NDC80: variants seen among roughly 807,000 people sequenced by gnomAD.
The protein encoded by NDC80 is NDC80 kinetochore complex component.
Under a neutral mutation model 89.3 loss-of-function variants are expected in NDC80, and 69 were observed. That is an observed-to-expected ratio of 0.77 (90% CI 0.64 to 0.94). The LOEUF is 0.94. Ranked by LOEUF, NDC80 falls within the 40% of genes least tolerant of loss-of-function variation. The probability of loss-of-function intolerance (pLI) is 0.00; values close to 1 mark genes in which losing one functional copy is unlikely to be tolerated. For missense variants in NDC80, 593 were observed against 739.6 expected, an observed-to-expected ratio of 0.80 and a Z score of 2.30; for synonymous variants, 243 against 255.6, an observed-to-expected ratio of 0.95 and a Z score of 0.47.
chr18:2,608,368 A>G (rs1202486527), intron 14 of NDC80, among the ~76,000 whole-genome samples: 1 of 151,628 alleles, frequency 6.6e-6, no homozygotes, highest in African/African-American at 2.4e-5. Flanking sequence ...ACCATGCCCA[A>G]CTAATTTTTG....
Position 2,584,273 on chromosome 18 carries a change from G to A in NDC80, c.580-840G>A, listed in dbSNP as rs531301925. On this transcript the variant is annotated intron_variant, in intron 6 of 16. Coordinates refer to ENST00000261597, the MANE Select transcript of NDC80 (RefSeq NM_006101.3). The stretch of plus-strand genomic sequence containing the variant: ...ACTGCACTCCATCCTGGGTGACAAA[G>A]TGAGACTCCGTCTCAAAAAAAAAAA... 3.8e-3 allele frequency among the ~76,000 whole-genome samples: 540 copies of A among 143,170 alleles called. 2 individuals carry two copies. The highest frequency in any genetic ancestry group is 0.014 in the African/African-American group (520 of 38,136). 93.9% of individuals were successfully genotyped at this position (143,170 alleles called of 152,430 possible).
intron 10 of NDC80, chr18:2,593,783 A>G (rs981612261): frequency 4.1e-6 from 1 of 246,250 alleles, no homozygotes; most frequent in African/African-American, 2.4e-5. Flanking sequence ...TGGATTTCCT[A>G]CAATCCACTT....
intron 7 of NDC80, among the ~76,000 whole-genome samples, chr18:2,586,720 A>C (rs2072604557): frequency 2.8e-5 from 1 of 35,360 alleles, no homozygotes; most frequent in African/African-American, 8.9e-5. Context: ...ACAAAGTGAG[A>C]CCCTGTCTCA....
intron 15 of NDC80, among the ~76,000 whole-genome samples, chr18:2,609,384 T>G (rs2072730969): frequency 6.6e-6 from 1 of 152,066 alleles, no homozygotes; most frequent in African/African-American, 2.4e-5. Flanking sequence ...CATCAGTAGT[T>G]AGGCTCAGTG....
chr18:2,572,245 T>G (rs2072518879), intron 1 of NDC80, among the ~76,000 whole-genome samples: 1 of 152,234 alleles, frequency 6.6e-6, no homozygotes, highest in Non-Finnish European at 1.5e-5. Flanking sequence ...GTCACCTTCC[T>G]GAAAGCCAGG....
intron 6 of NDC80, among the ~76,000 whole-genome samples, chr18:2,580,280 C>G (rs1006451671): frequency 5.3e-5 from 8 of 150,622 alleles, no homozygotes; most frequent in African/African-American, 1.7e-4. Flanking sequence ...CAAAAATGGT[C>G]GAGTCAGAGA....
At chr18:2,604,102 T>A (rs2143662069) in intron 13 of NDC80, among the ~76,000 whole-genome samples, 1 of 152,064 alleles carries the variant, frequency 6.6e-6, no homozygotes, top group Non-Finnish European at 1.5e-5. Context: ...CCTAGTACTG[T>A]AATAGATGGT....
intron 10 of NDC80, among the ~76,000 whole-genome samples, 160 bp downstream of exon 10, chr18:2,590,322 C>T (rs568248834): frequency 7.6e-4 from 116 of 152,364 alleles, no homozygotes; most frequent in African/African-American, 2.6e-3. Flanking sequence ...CCTAAGGCTG[C>T]TGTCACAAAT....
chr18:2,614,558 AGGAAGG>A lies in NDC80; in HGVS notation c.1792-1877_1792-1872del, dbSNP rs1228487407. On this transcript the variant is annotated intron_variant, in intron 16 of 16. Coordinates refer to ENST00000261597, the MANE Select transcript of NDC80 (RefSeq NM_006101.3). ...AAGGAAGGAAGGAAGGAAGGAAGGA[AGGAAGG>A]GAAAGAAAGAAAGAAAGAAAGAAAG... The A allele has an allele frequency of 4.0e-3, 19 of 4,768 alleles. 1 individual carries two copies. Among genetic ancestry groups the A allele is most frequent in the Admixed American group, 5.9e-3 (2 of 338 alleles). The allele number at this position is 4,768 out of a possible 1,614,324, so 0.3% of individuals were successfully genotyped here. A position where few individuals can be genotyped will look rare whatever the true frequency, so the allele number is the denominator to read the frequency against.
intron 13 of NDC80, among the ~76,000 whole-genome samples, chr18:2,604,121 T>C (rs1206901393): frequency 6.6e-6 from 1 of 151,924 alleles, no homozygotes; most frequent in Non-Finnish European, 1.5e-5. Flanking sequence ...GTGATACTAG[T>C]ACAGTGCAGC....
chr18:2,616,555 T>A lies in NDC80; in HGVS notation c.1910T>A (p.Ile637Asn), dbSNP rs1247789726. 2.1e-6 allele frequency: 3 copies of A among 1,432,956 alleles called. No individual in the cohort carries two copies. The highest frequency in any genetic ancestry group is 2.8e-6 in the Non-Finnish European group (3 of 1,057,834). The allele number at this position is 1,432,956 out of a possible 1,614,324, so 88.8% of individuals were successfully genotyped here. The change falls in exon 17 of 17, where the codon ATT becomes AAT. Residue 637 changes from isoleucine (I) to asparagine (N), a missense_variant. Ile to Asn is a moderately radical substitution (Grantham distance 149). Transcript: ENST00000261597. The stretch of plus-strand genomic sequence containing the variant: ...AAGTATGAGAAGAAAGCTACTCTAA[T>A]TAAGTCTTCTGAAGAATGAAGATAA... ...RDKYEKKATL[I>N]KSSEE
At chr18:2,585,258 C>A in intron 7 of NDC80, 56 bp downstream of exon 7, 1 of 1,346,336 alleles carries the variant, frequency 7.4e-7, no homozygotes. Context: ...TATTGTGTCA[C>A]TATTGGATTT....
intron 10 of NDC80, among the ~76,000 whole-genome samples, chr18:2,590,580 A>G (rs1459131397): frequency 1.3e-5 from 2 of 152,148 alleles, no homozygotes; most frequent in Non-Finnish European, 2.9e-5. Context: ...CTCTGCCTCT[A>G]TCTTATAAGG....
At chr18:2,611,440 C>A (rs913894246) in intron 16 of NDC80, among the ~76,000 whole-genome samples, 1 of 152,170 alleles carries the variant, frequency 6.6e-6, no homozygotes, top group African/African-American at 2.4e-5. Context: ...GATGCTATGC[C>A]AGGCCATGTT....
intron 13 of NDC80, among the ~76,000 whole-genome samples, chr18:2,603,356 C>CATATATATATATATTATATATATATAT (rs2072693980): frequency 8.3e-6 from 1 of 120,800 alleles, no homozygotes; most frequent in African/African-American, 3.3e-5. Flanking sequence ...TATGTTTATA[C>CATATATATATATATTATATATATATAT]ATATATATAT....
At chr18:2,614,472 AAAGAAAGAAAGG>A (rs2072763195) in intron 16 of NDC80, 1 of 4,718 alleles carries the variant, frequency 2.1e-4, no homozygotes, top group African/African-American at 8.0e-4. Flanking sequence ...AGAAAGAAAG[AAAGAAAGAAAGG>A]AAGGAAGGAA....
chr18:2,612,272 CTTTCTTT>C (rs2072748859), intron 16 of NDC80, among the ~76,000 whole-genome samples: 2 of 68,698 alleles, frequency 2.9e-5, no homozygotes, highest in Admixed American at 1.8e-4. Flanking sequence ...ACTTTCTTTT[CTTTCTTT>C]TTTTTTTTTT....
intron 11 of NDC80, among the ~76,000 whole-genome samples, chr18:2,596,313 T>C (rs1408505785): frequency 1.3e-5 from 2 of 151,686 alleles, no homozygotes; most frequent in East Asian, 1.9e-4. Context: ...TACAATGAAC[T>C]CAAACAAATT....
chr18:2,601,729 T>A (rs1284725069), intron 13 of NDC80, among the ~76,000 whole-genome samples: 1 of 152,152 alleles, frequency 6.6e-6, no homozygotes, highest in African/African-American at 2.4e-5. Context: ...TTCCTTTTTT[T>A]AATAGAGAAG....
Sources: allele counts gnomAD v4.1 joint callset (sites outside exome capture counted in the v4.1 genomes callset), GRCh38; gene constraint gnomAD v4.1.1; transcripts MANE v1.5; gene names NCBI Gene and HGNC (gene_info 2026-07-23, HGNC 2026-07-21).